Variants in TMEM184C observed in about 807,000 individuals in gnomAD.
The protein encoded by TMEM184C is transmembrane protein 34.
A neutral mutation model predicts 54.5 loss-of-function variants in TMEM184C; 25 were observed. That is an observed-to-expected ratio of 0.46 (90% confidence interval 0.33 to 0.64). The LOEUF (loss-of-function observed/expected upper bound fraction) is 0.64. Among genes scored for constraint, TMEM184C ranks in the 30% least tolerant of loss-of-function variants. The probability of loss-of-function intolerance (pLI) is 0.02; values close to 1 mark genes in which losing one functional copy is unlikely to be tolerated. For missense variants in TMEM184C, 335 were observed against 520.3 expected (o/e 0.64, Z 3.46); for synonymous variants, 148 against 181.5 (o/e 0.82, Z 1.49).
chr4:147,632,268 G>T (rs1195570350), intron 7 of TMEM184C, among the ~76,000 whole-genome samples: 7 of 150,592 alleles, frequency 4.6e-5, no homozygotes, highest in Non-Finnish European at 8.9e-5. Flanking sequence ...AATACAAAAA[G>T]GGAAAAAGAA....
intron 5 of TMEM184C, among the ~76,000 whole-genome samples, chr4:147,628,677 G>A (rs1732858258): frequency 6.6e-6 from 1 of 151,740 alleles, no homozygotes; most frequent in Non-Finnish European, 1.5e-5. Context: ...TGGCCGTAAA[G>A]CACTTTGAAA....
chr4:147,619,923 C>T (rs977284136), intron 1 of TMEM184C, among the ~76,000 whole-genome samples: 1 of 152,168 alleles, frequency 6.6e-6, no homozygotes. Context: ...GGCCAGTATT[C>T]CTCACTGTGG....
chr4:147,628,250 A>C, intron 4 of TMEM184C, 111 bp from the exon 5 acceptor site: 1 of 790,218 alleles, frequency 1.3e-6, no homozygotes, highest in Non-Finnish European at 2.1e-6. Context: ...TGAAAGAATT[A>C]ACTGTAAATA....
At chr4:147,619,260 C>T (rs187609222) in intron 1 of TMEM184C, among the ~76,000 whole-genome samples, 5 of 150,154 alleles carry the variant, frequency 3.3e-5, no homozygotes, top group African/African-American at 9.8e-5. Context: ...TGCAGTGGCG[C>T]GATCTTGGCT....
At chr4:147,618,118 C>T in intron 1 of TMEM184C, 39 bp downstream of exon 1, 1 of 1,612,190 alleles carries the variant, frequency 6.2e-7, no homozygotes, top group Non-Finnish European at 8.5e-7. Context: ...ACACTTTCTT[C>T]TACCCATCTA....
intron 9 of TMEM184C, 108 bp downstream of exon 9, chr4:147,634,044 G>C: frequency 1.3e-6 from 2 of 1,512,820 alleles, no homozygotes; most frequent in Non-Finnish European, 1.8e-6. Context: ...CTTTAAAGCA[G>C]TACCACAGTG....
chr4:147,619,045 T>C (rs1423825281), intron 1 of TMEM184C, among the ~76,000 whole-genome samples: 1 of 151,826 alleles, frequency 6.6e-6, no homozygotes, highest in Admixed American at 6.6e-5. Context: ...AATTTTGTAT[T>C]TTTAGTAGCG....
At position 147,623,981 on chromosome 4, in the gene TMEM184C, T is replaced by C; in HGVS notation, c.254+17T>C. ...AATAATAAGGTATGTCTTAATAATT[T>C]TGATTCCACTACTGTTGTGTTGGCT... is the stretch of plus-strand genomic sequence containing the variant. On this transcript the variant is annotated intron_variant, in intron 2 of 9. Coordinates refer to ENST00000296582, the MANE Select transcript of TMEM184C (RefSeq NM_018241.3). The C allele has an allele frequency of 6.2e-7, 1 of 1,613,510 alleles. No individual in the cohort carries two copies. Among genetic ancestry groups the C allele is most frequent in the Non-Finnish European group, 8.5e-7 (1 of 1,179,662 alleles).
At chr4:147,633,975 T>C (rs769461965) in intron 9 of TMEM184C, 39 bp downstream of exon 9, 2 of 1,583,228 alleles carry the variant, frequency 1.3e-6, no homozygotes, top group Non-Finnish European at 1.7e-6. Context: ...ATAGGTTGGG[T>C]AGGATATTGA....
rs756029316 is a variant in TMEM184C at position 147,634,381 on chromosome 4, A to C, written c.1264A>C (p.Ser422Arg). 24 of 1,614,058 alleles carry C rather than the reference A, an allele frequency of 1.5e-5. No homozygotes were observed. Among genetic ancestry groups the C allele is most frequent in the Non-Finnish European group, 6.8e-6 (8 of 1,180,008 alleles). Residue 422 changes from serine to arginine, a missense_variant, in exon 10 of 10, where the codon AGT becomes CGT. By Grantham distance (110) the Ser-to-Arg change is moderately radical. Coordinates refer to ENST00000296582, the MANE Select transcript of TMEM184C (RefSeq NM_018241.3). ...TTAKISDEIL[S>R]DTIGEKKEPS... ...AGCTAAGATATCTGATGAAATCCTT[A>C]GTGATACTATAGGAGAGAAAAAAGA...
In TMEM184C at chr4:147,635,233, T is replaced by A. The variant is rs1241914729; in HGVS notation, c.*799T>A. ...GAATTTATCATTTATTTTCTGCAAC[T>A]TTTTTATGTCTCATTCTTTAAACAT... On this transcript the variant is annotated 3_prime_UTR_variant, in exon 10 of 10. Coordinates refer to ENST00000296582, the MANE Select transcript of TMEM184C (RefSeq NM_018241.3). 1 of 152,216 alleles carries A rather than the reference T, an allele frequency of 6.6e-6. No homozygotes were observed. Among genetic ancestry groups the A allele is most frequent in the African/African-American group, 2.4e-5 (1 of 41,462 alleles). 9.4% of individuals were successfully genotyped at this position (152,216 alleles called of 1,614,324 possible).
chr4:147,624,172 TAATG>T (rs1732766762), intron 3 of TMEM184C, 74 bp downstream of exon 3: 4 of 1,307,600 alleles, frequency 3.1e-6, no homozygotes, highest in Non-Finnish European at 4.3e-6. Context: ...ATGCTTAAGA[TAATG>T]AAAGTATGTT....
chr4:147,633,471 C>G (rs191741468), intron 8 of TMEM184C, among the ~76,000 whole-genome samples: 78 of 151,778 alleles, frequency 5.1e-4, no homozygotes, highest in African/African-American at 1.8e-3. Context: ...GGCATGACAG[C>G]ACATGCCTAT....
intron 6 of TMEM184C, among the ~76,000 whole-genome samples, chr4:147,629,895 TTTA>T (rs910713228): frequency 1.3e-4 from 20 of 151,798 alleles, no homozygotes; most frequent in African/African-American, 4.6e-4. Context: ...AACATCTTTG[TTTA>T]TTATTTGGCA....
In TMEM184C at chr4:147,623,938, A is replaced by G; in HGVS notation, c.228A>G (p.Gln76=). The G allele has an allele frequency of 6.2e-7, 1 of 1,614,090 alleles. No individual in the cohort carries two copies. Among genetic ancestry groups the G allele is most frequent in the Non-Finnish European group, 8.5e-7 (1 of 1,179,974 alleles). The change falls in exon 2 of 10, where the codon CAA becomes CAG. Residue 76 remains glutamine (Q), a synonymous_variant. Coordinates refer to ENST00000296582, the MANE Select transcript of TMEM184C (RefSeq NM_018241.3). Reference sequence around the variant, plus strand: ...TGCAACACTTAGTGCATTATACACAACCTGAACTACAAAAACCAATAATAA... The same window carrying G: ...TGCAACACTTAGTGCATTATACACAGCCTGAACTACAAAAACCAATAATAA... ...VILQHLVHYT[Q]PELQKPIIRI... is the part of the protein sequence containing the mutation.
chr4:147,624,882 A>C lies in TMEM184C; in HGVS notation c.370A>C (p.Asn124His), dbSNP rs1732784414. The change falls in exon 4 of 10, where the codon AAC becomes CAC. Residue 124 changes from asparagine to histidine, a missense_variant. Coordinates refer to ENST00000296582, the MANE Select transcript of TMEM184C (RefSeq NM_018241.3). ...ATGCTATGAAGCTTATGTAATTTAC[A>C]ACTTTATGGGATTCCTTACCAATTA... ...RECYEAYVIYNFMGFLTNYLT... is the reference protein window; with the variant it reads ...RECYEAYVIYHFMGFLTNYLT... The C allele has an allele frequency of 6.2e-7, 1 of 1,613,824 alleles. No homozygotes were observed. The highest frequency in any genetic ancestry group is 1.1e-5 in the South Asian group (1 of 91,084).
intron 9 of TMEM184C, 45 bp from the exon 10 acceptor site, chr4:147,634,124 A>C: frequency 1.3e-6 from 2 of 1,579,298 alleles, no homozygotes; most frequent in Non-Finnish European, 8.6e-7. Context: ...GTAAGTTTAT[A>C]ATGGTAAAAA....
chr4:147,625,960 G>C (rs1180137848), intron 4 of TMEM184C, among the ~76,000 whole-genome samples: 1 of 152,182 alleles, frequency 6.6e-6, no homozygotes, highest in Non-Finnish European at 1.5e-5. Flanking sequence ...AAGCCAGTGA[G>C]CCATGAGTGC....
chr4:147,623,254 C>T (rs1369747406), intron 1 of TMEM184C, among the ~76,000 whole-genome samples: 1 of 151,916 alleles, frequency 6.6e-6, no homozygotes, highest in Non-Finnish European at 1.5e-5. Context: ...CCAGACCAGG[C>T]TGGCCAACAG....
Sources: gnomAD v4.1 joint callset for allele counts (sites outside exome capture counted in the v4.1 genomes callset) on GRCh38, gnomAD v4.1.1 for gene constraint, MANE v1.5 for transcripts, NCBI Gene and HGNC (gene_info 2026-07-23, HGNC 2026-07-21) for gene names.